The following DLC1 variants were observed in gnomAD, a reference collection of about 807,000 sequenced individuals.
DLC1 encodes rho GTPase-activating protein 7.
In DLC1, 54 loss-of-function variants were observed where a neutral mutation model predicts 140.3. That is an observed-to-expected ratio of 0.38 (90% CI 0.31 to 0.48). The LOEUF is 0.48. Ranked by LOEUF, DLC1 falls within the 20% of genes least tolerant of loss-of-function variation. The pLI, the probability that DLC1 is intolerant of heterozygous loss-of-function variation, is 0.96. For missense variants in DLC1, 2,536 were observed against 1,907.0 expected (o/e 1.33, Z -6.14); for synonymous variants, 986 against 728.1 (o/e 1.35, Z -5.70).
At chr8:13,491,033 T>C (rs890243037) in intron 2 of DLC1, among the ~76,000 whole-genome samples, 6 of 147,806 alleles carry the variant, frequency 4.1e-5, no homozygotes, top group Non-Finnish European at 4.5e-5. Context: ...TATATATATA[T>C]AAATTTAGAA....
intron 1 of DLC1, among the ~76,000 whole-genome samples, chr8:13,578,381 C>A (rs1804922519): frequency 6.6e-6 from 1 of 152,058 alleles, no homozygotes; most frequent in Middle Eastern, 3.2e-3. Flanking sequence ...TTTATGACAC[C>A]ATATGTGTGG....
intron 13 of DLC1, among the ~76,000 whole-genome samples, 155 bp from the exon 14 acceptor site, chr8:13,091,587 C>T (rs972871814): frequency 6.6e-6 from 1 of 152,056 alleles, no homozygotes; most frequent in Non-Finnish European, 1.5e-5. Flanking sequence ...CTTTGGTCAC[C>T]AGAGTATCTC....
At chr8:13,292,868 A>G (rs1233575518) in intron 5 of DLC1, among the ~76,000 whole-genome samples, 1 of 152,124 alleles carries the variant, frequency 6.6e-6, no homozygotes, top group Non-Finnish European at 1.5e-5. Context: ...TAGTCTATTG[A>G]AAATATCAAA....
chr8:13,466,026 A>G (rs776364782), intron 2 of DLC1, among the ~76,000 whole-genome samples: 7 of 152,166 alleles, frequency 4.6e-5, no homozygotes, highest in East Asian at 3.9e-4. Context: ...GGGCAGCTAG[A>G]TGCAACCTAC....
chr8:13,186,964 C>T (rs974975373), intron 5 of DLC1, among the ~76,000 whole-genome samples: 3 of 152,176 alleles, frequency 2.0e-5, no homozygotes, highest in African/African-American at 7.2e-5. Flanking sequence ...CCCTGTTTGC[C>T]TGGGTATCAC....
At chr8:13,451,345 C>T (rs1799048981) in intron 2 of DLC1, among the ~76,000 whole-genome samples, 4 of 152,264 alleles carry the variant, frequency 2.6e-5, no homozygotes, top group African/African-American at 7.2e-5. Flanking sequence ...TCCATTCCCT[C>T]ACGCATCTAC....
At chr8:13,521,434 T>A (rs1802763873) in intron 1 of DLC1, among the ~76,000 whole-genome samples, 1 of 152,000 alleles carries the variant, frequency 6.6e-6, no homozygotes, top group African/African-American at 2.4e-5. Flanking sequence ...TCCCTTGCCA[T>A]GGTTGGCTTA....
chr8:13,169,071 C>T (rs1475974936), intron 5 of DLC1, among the ~76,000 whole-genome samples: 4 of 152,226 alleles, frequency 2.6e-5, no homozygotes, highest in African/African-American at 9.6e-5. Context: ...CATCTATCTT[C>T]ATCTTCACCT....
intron 1 of DLC1, among the ~76,000 whole-genome samples, chr8:13,534,040 C>T (rs943474349): frequency 3.3e-5 from 5 of 152,128 alleles, no homozygotes; most frequent in Middle Eastern, 3.2e-3. Context: ...CTAATACATG[C>T]TATGTCCAAA....
intron 5 of DLC1, among the ~76,000 whole-genome samples, chr8:13,185,309 T>C (rs1397187155): frequency 6.7e-6 from 1 of 148,858 alleles, no homozygotes; most frequent in Non-Finnish European, 1.5e-5. Context: ...TGTTTGTTTG[T>C]TTGTTTGTTT....
rs577242438 is a variant in DLC1, at chr8:13,085,882, C to T, written c.4516G>A (p.Ala1506Thr). ...YTKSFGHLCA[A>T]EVVKIRDSFS... ...GAATCCCGGATCTTTACAACTTCAGCTGCACACAAATGTCCAAAAGATTTT... is the reference window on the plus strand; with the variant it reads ...GAATCCCGGATCTTTACAACTTCAGTTGCACACAAATGTCCAAAAGATTTT... Residue 1506 changes from alanine to threonine, a missense_variant, in exon 18 of 18, where the codon GCT (alanine) becomes ACT (threonine). Physicochemically the swap from Ala to Thr is moderately conservative, Grantham distance 58. Transcript: ENST00000276297. The T allele has an allele frequency of 1.3e-4, 202 of 1,614,188 alleles. 3 individuals carry two copies. The South Asian group carries it at 2.2e-3, about 17-fold the overall frequency.
intron 2 of DLC1, among the ~76,000 whole-genome samples, chr8:13,461,131 G>A (rs1461049410): frequency 6.6e-6 from 1 of 152,222 alleles, no homozygotes; most frequent in Non-Finnish European, 1.5e-5. Flanking sequence ...GTTTGCTTGA[G>A]CCCAGGAGTT....
intron 5 of DLC1, among the ~76,000 whole-genome samples, chr8:13,299,782 G>A (rs903889476): frequency 6.6e-6 from 1 of 152,160 alleles, no homozygotes; most frequent in African/African-American, 2.4e-5. Context: ...CCAGAGGAGA[G>A]AATTGCTGTC....
At chr8:13,350,140 G>C (rs1022878714) in intron 4 of DLC1, among the ~76,000 whole-genome samples, 1 of 152,166 alleles carries the variant, frequency 6.6e-6, no homozygotes. Flanking sequence ...TACCTGAAGT[G>C]CTTAGAGGAC....
At chr8:13,319,482 G>A (rs111769405) in intron 4 of DLC1, among the ~76,000 whole-genome samples, 11,244 of 114,822 alleles carry the variant, frequency 0.098, 513 homozygotes, top group South Asian at 0.16. Flanking sequence ...GGCGGGGGGG[G>A]GGGGTGGATT....
intron 1 of DLC1, among the ~76,000 whole-genome samples, chr8:13,598,421 C>G (rs367832838): frequency 2.6e-5 from 4 of 152,024 alleles, no homozygotes; most frequent in Non-Finnish European, 5.9e-5. Context: ...ATTGTTTACA[C>G]AGCCAACAAA....
At chr8:13,442,961 C>T (rs1437035465) in intron 2 of DLC1, among the ~76,000 whole-genome samples, 2 of 152,098 alleles carry the variant, frequency 1.3e-5, no homozygotes, top group Admixed American at 1.3e-4. Flanking sequence ...ACCCAAATGT[C>T]CAACAATGAT....
At position 13,523,469 on chromosome 8, in the gene DLC1, G is replaced by C. The variant is rs1286305559; in HGVS notation, c.-125-23273C>G. On this transcript the variant is annotated intron_variant, in intron 1 of 1. Coordinates refer to the DLC1 transcript ENST00000631382. Reference sequence around the variant, plus strand: ...TTGAGATGTCTATTAGAAATTTCTAGAAGTGTTAAAGAGGCAGTTGGACAT... The same window carrying C: ...TTGAGATGTCTATTAGAAATTTCTACAAGTGTTAAAGAGGCAGTTGGACAT... Among the ~76,000 whole-genome samples the C allele has an allele frequency of 2.0e-5, 3 of 152,156 alleles. No individual in the cohort carries two copies. In the East Asian group the frequency reaches 5.8e-4, roughly 29 times the overall value.
chr8:13,464,766 TTA>T (rs1299837929), intron 2 of DLC1, among the ~76,000 whole-genome samples: 216 of 7,540 alleles, frequency 0.029, 2 homozygotes, highest in African/African-American at 0.085. Flanking sequence ...ATATATATAT[TTA>T]TATATATATA....
Sources: gnomAD v4.1 joint callset for allele counts (sites outside exome capture counted in the v4.1 genomes callset) on GRCh38, gnomAD v4.1.1 for gene constraint, MANE v1.5 for transcripts, NCBI Gene and HGNC (gene_info 2026-07-23, HGNC 2026-07-21) for gene names.